Variants in CSMD3 observed in about 807,000 individuals in gnomAD.
The protein encoded by CSMD3 is CUB and sushi domain-containing protein 3.
CSMD3 carries 177 observed loss-of-function variants against 435.2 expected under a neutral mutation model. The ratio of observed to expected loss-of-function variants is 0.41; its 90% confidence interval spans 0.36 to 0.46. CSMD3 has a LOEUF of 0.46. Among genes scored for constraint, CSMD3 ranks in the 20% least tolerant of loss-of-function variants. The pLI is 0.34. For synonymous variants in CSMD3, 1,656 were observed against 1,520.5 expected (o/e 1.09, Z -2.07); for missense variants, 4,265 against 4,504.6 (o/e 0.95, Z 1.52).
At chr8:112,530,319 T>C (rs1489001766) in intron 27 of CSMD3, among the ~76,000 whole-genome samples, 8 of 151,992 alleles carry the variant, frequency 5.3e-5, no homozygotes, top group Non-Finnish European at 1.0e-4. Context: ...GAACACCAAA[T>C]AAGAGTAACC....
chr8:112,527,065 A>T (rs540224390), intron 27 of CSMD3, among the ~76,000 whole-genome samples: 5 of 151,360 alleles, frequency 3.3e-5, no homozygotes, highest in East Asian at 1.9e-4. Flanking sequence ...TGGATTCAAT[A>T]AAAAAAATAG....
intron 13 of CSMD3, among the ~76,000 whole-genome samples, chr8:112,700,178 T>C (rs1281875861): frequency 3.3e-5 from 5 of 152,146 alleles, no homozygotes; most frequent in Admixed American, 3.3e-4. Flanking sequence ...TTTTAAAACA[T>C]GTCTGCAAAT....
At chr8:112,414,448 T>C (rs1264495125) in intron 32 of CSMD3, among the ~76,000 whole-genome samples, 1 of 152,200 alleles carries the variant, frequency 6.6e-6, no homozygotes, top group Admixed American at 6.5e-5. Context: ...CCTTCTGCCA[T>C]GATTGTAAAT....
At chr8:112,919,764 G>C (rs1172451648) in intron 10 of CSMD3, among the ~76,000 whole-genome samples, 1 of 151,746 alleles carries the variant, frequency 6.6e-6, no homozygotes, top group Admixed American at 6.6e-5. Context: ...ACATTTTACT[G>C]TTCTATTTAC....
chr8:112,667,709 G>A (rs2075559469), intron 16 of CSMD3, among the ~76,000 whole-genome samples: 1 of 152,008 alleles, frequency 6.6e-6, no homozygotes, highest in Non-Finnish European at 1.5e-5. Flanking sequence ...AGTATACACA[G>A]AAGAGAAAAT....
At chr8:112,641,680 A>T (rs1398663002) in intron 20 of CSMD3, among the ~76,000 whole-genome samples, 1 of 152,030 alleles carries the variant, frequency 6.6e-6, no homozygotes, top group African/African-American at 2.4e-5. Flanking sequence ...CTACAAAAAA[A>T]TACAAAACTT....
chr8:112,291,835 A>G lies in CSMD3; in HGVS notation c.8789-140T>C, dbSNP rs1205862730. 6 of 628,554 alleles carry G rather than the reference A, an allele frequency of 9.5e-6. No individual in the cohort carries two copies. The East Asian group carries it at 1.7e-4, about 18-fold the overall frequency. 38.9% of individuals were successfully genotyped at this position (628,554 alleles called of 1,614,324 possible). The stretch of plus-strand genomic sequence containing the variant: ...AGATTCCAATAATAAAATTAATCCC[A>G]TGGATTATCTAGAAAATGGACTGAC... On this transcript the variant is annotated intron_variant, in intron 55 of 70. Transcript: ENST00000297405.
intron 3 of CSMD3, among the ~76,000 whole-genome samples, chr8:113,187,871 ACTT>A (rs1229611595): frequency 1.3e-5 from 2 of 151,914 alleles, no homozygotes; most frequent in African/African-American, 2.4e-5. Context: ...ACCCCTTTAT[ACTT>A]CTCCAAAATT....
At chr8:113,228,051 A>C (rs573763772) in intron 3 of CSMD3, among the ~76,000 whole-genome samples, 1 of 151,654 alleles carries the variant, frequency 6.6e-6, no homozygotes, top group Non-Finnish European at 1.5e-5. Context: ...TGGGGTTATC[A>C]TGTTATATTT....
At chr8:112,629,192 T>C (rs1052393971) in intron 22 of CSMD3, among the ~76,000 whole-genome samples, 1 of 151,868 alleles carries the variant, frequency 6.6e-6, no homozygotes, top group Admixed American at 6.6e-5. Context: ...GTTTTCTCAC[T>C]GCGATTTTAT....
intron 27 of CSMD3, among the ~76,000 whole-genome samples, chr8:112,545,353 C>T (rs551868902): frequency 2.3e-4 from 35 of 151,400 alleles, no homozygotes; most frequent in African/African-American, 7.7e-4. Context: ...CCTGGTGGCA[C>T]GCGCCTGTAA....
Position 113,090,420 on chromosome 8 carries a change from A to G in CSMD3, c.917+8336T>C, listed in dbSNP as rs76085403. Among the ~76,000 whole-genome samples the G allele has an allele frequency of 9.2e-3, 1,400 of 152,276 alleles. 15 individuals carry two copies. The highest frequency in any genetic ancestry group is 0.032 in the African/African-American group (1,347 of 41,560). On this transcript the variant is annotated intron_variant, in intron 5 of 70. Transcript: ENST00000297405. ...CTATTTGCATATTAGAAACAAATATACCAGTATAAGATAAGTTCTCAATTA... is the reference window on the plus strand; with the variant it reads ...CTATTTGCATATTAGAAACAAATATGCCAGTATAAGATAAGTTCTCAATTA...
intron 1 of CSMD3, among the ~76,000 whole-genome samples, chr8:113,315,326 G>A (rs1340922807): frequency 6.6e-6 from 1 of 152,042 alleles, no homozygotes; most frequent in African/African-American, 2.4e-5. Flanking sequence ...ATTTTTTAAA[G>A]TCTATGAAAT....
At chr8:112,318,282 T>C (rs201603825) in intron 47 of CSMD3, among the ~76,000 whole-genome samples, 3 of 152,000 alleles carry the variant, frequency 2.0e-5, no homozygotes, top group East Asian at 1.9e-4. Context: ...TTAAAAATTA[T>C]ATGAATCTAC....
intron 38 of CSMD3, among the ~76,000 whole-genome samples, chr8:112,355,416 TACAGAATGGGAG>T (rs1826500090): frequency 6.6e-6 from 1 of 152,152 alleles, no homozygotes; most frequent in Non-Finnish European, 1.5e-5. Context: ...GCAAACAACC[TACAGAATGGGAG>T]AAAATGTTCA....
chr8:112,350,694 C>T (rs187134609), intron 40 of CSMD3, among the ~76,000 whole-genome samples: 133 of 152,048 alleles, frequency 8.7e-4, no homozygotes, highest in Non-Finnish European at 1.6e-3. Flanking sequence ...AAAATGTGCA[C>T]CTGTACTTTC....
At chr8:112,481,584 T>C (rs35431058) in intron 31 of CSMD3, among the ~76,000 whole-genome samples, 37,081 of 152,050 alleles carry the variant, frequency 0.24, 5,102 homozygotes, top group African/African-American at 0.37. Flanking sequence ...AAAGAACTGC[T>C]GTACCTTACA....
At chr8:112,759,432 C>A (rs942715147) in intron 13 of CSMD3, among the ~76,000 whole-genome samples, 1 of 151,964 alleles carries the variant, frequency 6.6e-6, no homozygotes, top group African/African-American at 2.4e-5. Flanking sequence ...TGAAGAGAAA[C>A]CAGAATGTAG....
At chr8:113,265,707 T>G (rs2093464256) in intron 3 of CSMD3, among the ~76,000 whole-genome samples, 1 of 151,646 alleles carries the variant, frequency 6.6e-6, no homozygotes, top group Admixed American at 6.6e-5. Flanking sequence ...TAAACTGATT[T>G]GTGTTATTCT....
Sources: gnomAD v4.1 joint callset for allele counts (sites outside exome capture counted in the v4.1 genomes callset) on GRCh38, gnomAD v4.1.1 for gene constraint, MANE v1.5 for transcripts, NCBI Gene and HGNC (gene_info 2026-07-23, HGNC 2026-07-21) for gene names.